NCK2: variants seen among roughly 807,000 people sequenced by gnomAD.
NCK2 encodes the protein NCK adaptor protein 2.
In NCK2, 16 loss-of-function variants were observed where a neutral mutation model predicts 33.9. The ratio of observed to expected loss-of-function variants is 0.47; its 90% CI spans 0.32 to 0.72. The LOEUF is 0.72. NCK2 is among the 30% of genes least tolerant of loss of function. The pLI is 0.03. For synonymous variants in NCK2, 273 were observed against 239.9 expected (o/e 1.14, Z -1.27); for missense variants, 418 against 537.3 (o/e 0.78, Z 2.19).
At chr2:105,775,309 G>A (rs1178776403) in intron 1 of NCK2, among the ~76,000 whole-genome samples, 2 of 152,068 alleles carry the variant, frequency 1.3e-5, no homozygotes, top group African/African-American at 2.4e-5. Flanking sequence ...CCTGAATCCT[G>A]GTGTGCCTGT....
intron 1 of NCK2, among the ~76,000 whole-genome samples, chr2:105,755,785 C>T (rs982755250): frequency 7.9e-5 from 12 of 151,362 alleles, no homozygotes; most frequent in Admixed American, 2.0e-4. Context: ...AGAAGCCTTA[C>T]GTTGGTGATT....
At chr2:105,812,737 A>ATGGTTATGTGGTTATG (rs1202666654) in intron 1 of NCK2, among the ~76,000 whole-genome samples, 7 of 151,648 alleles carry the variant, frequency 4.6e-5, no homozygotes, top group African/African-American at 1.7e-4. Flanking sequence ...TGTGTAACAC[A>ATGGTTATGTGGTTATG]GATTAGATTT....
chr2:105,832,142 C>T (rs781528541), intron 2 of NCK2, among the ~76,000 whole-genome samples: 3 of 151,884 alleles, frequency 2.0e-5, no homozygotes, highest in South Asian at 4.1e-4. Context: ...CTATTATAAA[C>T]GAGATTGGTT....
rs956134531 is a variant in NCK2, at chr2:105,893,439, G to T, written c.*263G>T. On this transcript the variant is annotated 3_prime_UTR_variant, in exon 5 of 5. Coordinates refer to ENST00000233154, the MANE Select transcript of NCK2 (RefSeq NM_003581.5). ...TCCTTTTCCATCGGAAGTGGCGCTC[G>T]TGCATTCAACTCGTTCCCGCTCATG... The T allele has an allele frequency of 5.0e-5, 21 of 420,608 alleles. No homozygotes were observed. The highest frequency in any genetic ancestry group is 9.2e-5 in the Non-Finnish European group (21 of 228,174). The allele number at this position is 420,608 out of a possible 1,614,324, so 26.1% of individuals were successfully genotyped here.
chr2:105,856,136 C>T (rs774019276), intron 3 of NCK2, among the ~76,000 whole-genome samples: 2 of 152,186 alleles, frequency 1.3e-5, no homozygotes, highest in Non-Finnish European at 2.9e-5. Context: ...GCCCGGCTCC[C>T]CATGTGCCTC....
intron 2 of NCK2, among the ~76,000 whole-genome samples, chr2:105,842,945 G>T (rs954735645): frequency 3.9e-5 from 6 of 152,118 alleles, no homozygotes; most frequent in African/African-American, 1.4e-4. Context: ...ACAGTCTAGT[G>T]GAGATAAAAT....
At chr2:105,882,642 G>A (rs1678554036) in intron 4 of NCK2, among the ~76,000 whole-genome samples, 2 of 152,114 alleles carry the variant, frequency 1.3e-5, no homozygotes, top group South Asian at 4.2e-4. Flanking sequence ...GCAGTGAGTC[G>A]GAGATATGAG....
intron 2 of NCK2, among the ~76,000 whole-genome samples, chr2:105,819,372 G>T (rs1381278461): frequency 6.7e-6 from 1 of 149,994 alleles, no homozygotes; most frequent in Non-Finnish European, 1.5e-5. Flanking sequence ...TTTTAAAACA[G>T]TCATTTGCAA....
chr2:105,760,757 T>A (rs904725355), intron 1 of NCK2, among the ~76,000 whole-genome samples: 3 of 152,040 alleles, frequency 2.0e-5, no homozygotes, highest in African/African-American at 4.8e-5. Flanking sequence ...GGTCCCTAGA[T>A]GCCAGGCTTC....
At chr2:105,891,395 G>A (rs1373343577) in intron 4 of NCK2, among the ~76,000 whole-genome samples, 4 of 151,818 alleles carry the variant, frequency 2.6e-5, no homozygotes, top group African/African-American at 2.4e-5. Flanking sequence ...CCAGGGCACC[G>A]CCTGCCTGGC....
At chr2:105,757,312 C>T (rs527290338) in intron 1 of NCK2, among the ~76,000 whole-genome samples, 9 of 152,208 alleles carry the variant, frequency 5.9e-5, no homozygotes, top group Non-Finnish European at 1.2e-4. Flanking sequence ...ATAGCCCCAA[C>T]TTTCGCTGTG....
At chr2:105,850,207 G>A (rs749219349) in intron 2 of NCK2, among the ~76,000 whole-genome samples, 6 of 152,088 alleles carry the variant, frequency 3.9e-5, no homozygotes, top group Non-Finnish European at 8.8e-5. Flanking sequence ...CTTGATCCCC[G>A]TGACCTCTTT....
At chr2:105,817,875 T>G (rs1675557574) in intron 2 of NCK2, among the ~76,000 whole-genome samples, 1 of 152,100 alleles carries the variant, frequency 6.6e-6, no homozygotes, top group African/African-American at 2.4e-5. Flanking sequence ...GTGTGGCGAT[T>G]CCTCAGGGAT....
intron 3 of NCK2, among the ~76,000 whole-genome samples, chr2:105,876,846 A>T (rs1678254984): frequency 6.6e-6 from 1 of 152,156 alleles, no homozygotes; most frequent in South Asian, 2.1e-4. Context: ...CTACAAGGTA[A>T]TGAGTTTGCC....
At chr2:105,832,234 G>A (rs1035075204) in intron 2 of NCK2, among the ~76,000 whole-genome samples, 1 of 152,094 alleles carries the variant, frequency 6.6e-6, no homozygotes, top group Non-Finnish European at 1.5e-5. Flanking sequence ...TTAGTATCCT[G>A]CAATTTCACC....
At chr2:105,773,657 T>C (rs1057379608) in intron 1 of NCK2, among the ~76,000 whole-genome samples, 4 of 152,130 alleles carry the variant, frequency 2.6e-5, no homozygotes, top group African/African-American at 9.7e-5. Flanking sequence ...TTTATGGATA[T>C]TTTTTCTTTG....
At chr2:105,843,901 AG>A (rs1423758130) in intron 2 of NCK2, among the ~76,000 whole-genome samples, 1 of 152,218 alleles carries the variant, frequency 6.6e-6, no homozygotes, top group Non-Finnish European at 1.5e-5. Flanking sequence ...ATAGCATGGA[AG>A]GGGGCAAGTG....
chr2:105,891,532 ATTTTTTTTTTTTTTTTTTTTTT>A (rs757598660), intron 4 of NCK2, among the ~76,000 whole-genome samples: 1 of 81,332 alleles, frequency 1.2e-5, no homozygotes, highest in Non-Finnish European at 2.2e-5. Flanking sequence ...TAAAAGACCA[ATTTTTTTTTTTTTTTTTTTTTT>A]TTTTTTTTTT....
At chr2:105,745,439 G>GGGGGCCCGGCTGC (rs1689248912) in intron 1 of NCK2, among the ~76,000 whole-genome samples, 1 of 151,912 alleles carries the variant, frequency 6.6e-6, no homozygotes. Flanking sequence ...GATCAGGGCA[G>GGGGGCCCGGCTGC]GGGGCCCGGC....
Sources: gnomAD v4.1 joint callset for allele counts (sites outside exome capture counted in the v4.1 genomes callset) on GRCh38, gnomAD v4.1.1 for gene constraint, MANE v1.5 for transcripts, NCBI Gene and HGNC (gene_info 2026-07-23, HGNC 2026-07-21) for gene names.